Variants in PCDHAC1 observed in about 807,000 individuals in gnomAD.
The protein encoded by PCDHAC1 is protocadherin alpha-C1.
Under a neutral mutation model 60.0 loss-of-function variants are expected in PCDHAC1, and 42 were observed. The observed-to-expected ratio is 0.70, with a 90% CI of 0.55 to 0.90. PCDHAC1 has a LOEUF of 0.90. Among genes scored for constraint, PCDHAC1 ranks in the 40% least tolerant of loss-of-function variants. The pLI, the probability that PCDHAC1 is intolerant of heterozygous loss-of-function variation, is 0.00. For synonymous variants in PCDHAC1, 468 were observed against 499.3 expected (o/e 0.94, Z 0.84); for missense variants, 1,160 against 1,222.3 (o/e 0.95, Z 0.76).
At chr5:140,986,524 G>GAACT (rs1403082336) in intron 3 of PCDHAC1, among the ~76,000 whole-genome samples, 2 of 152,198 alleles carry the variant, frequency 1.3e-5, no homozygotes, top group Non-Finnish European at 2.9e-5. Flanking sequence ...GCCTGTGAGG[G>GAACT]AACTGGCCTG....
chr5:140,927,731 T>G lies in PCDHAC1; in HGVS notation c.839T>G (p.Leu280Arg), dbSNP rs781789205. 19 of 1,614,078 alleles carry G rather than the reference T, an allele frequency of 1.2e-5. No individual in the cohort carries two copies. The highest frequency in any genetic ancestry group is 1.4e-5 in the Non-Finnish European group (17 of 1,180,038). Reference protein sequence around the residue: ...YSLSNSTQAELRHRFHVHPKS... With the variant: ...YSLSNSTQAERRHRFHVHPKS... ...CTAAGCAACAGCACGCAAGCAGAGC[T>G]GCGACACCGCTTTCACGTGCACCCT... The change falls in exon 1 of 4, where the codon CTG becomes CGG. Residue 280 changes from leucine to arginine, a missense_variant. This residue lies in a region of PCDHAC1 where 1,113 missense variants were observed against 1,163.7 expected (regional missense o/e 0.96). Transcript: ENST00000253807.
At chr5:141,000,030 C>T (rs1261016075) in intron 3 of PCDHAC1, among the ~76,000 whole-genome samples, 3 of 152,058 alleles carry the variant, frequency 2.0e-5, no homozygotes, top group African/African-American at 7.2e-5. Flanking sequence ...GCCTGACATC[C>T]AATCACACAC....
chr5:140,966,906 C>A, intron 1 of PCDHAC1: 1 of 1,600,938 alleles, frequency 6.2e-7, no homozygotes, highest in African/African-American at 1.3e-5. Flanking sequence ...CTGCGATACT[C>A]TGTGCCAGAG....
chr5:140,947,948 T>C (rs2094196051), intron 1 of PCDHAC1, among the ~76,000 whole-genome samples: 1 of 151,586 alleles, frequency 6.6e-6, no homozygotes, highest in South Asian at 2.1e-4. Context: ...AAGTGTTCCA[T>C]ATTTTACAAT....
intron 3 of PCDHAC1, among the ~76,000 whole-genome samples, chr5:140,986,867 C>A (rs1238623584): frequency 6.6e-6 from 1 of 152,140 alleles, no homozygotes; most frequent in Non-Finnish European, 1.5e-5. Flanking sequence ...TACCCGGAAA[C>A]TTGTTAGAAA....
At chr5:140,968,396 G>A (rs1181874720) in intron 1 of PCDHAC1, 1 of 1,613,890 alleles carries the variant, frequency 6.2e-7, no homozygotes, top group Non-Finnish European at 8.5e-7. Flanking sequence ...GAAGTTTCGG[G>A]AGTTCTTTGT....
chr5:140,998,446 T>C (rs1266567801), intron 3 of PCDHAC1, among the ~76,000 whole-genome samples: 1 of 152,248 alleles, frequency 6.6e-6, no homozygotes, highest in African/African-American at 2.4e-5. Flanking sequence ...TTATTGTATT[T>C]ATTCATTTAC....
rs2153793513 is a variant in PCDHAC1, at chr5:140,972,346, C to T, written c.2434-6603C>T. Among the ~76,000 whole-genome samples, 6 of 151,468 alleles carry T rather than the reference C, an allele frequency of 4.0e-5. No homozygotes were observed. In the Middle Eastern group the frequency reaches 0.014, roughly 346 times the overall value. The stretch of plus-strand genomic sequence containing the variant: ...TTTTTTTTGGAAGAGATGGGGGTCT[C>T]ACTATGTTGCACATGCTGTTAGTAT... On this transcript the variant is annotated intron_variant, in intron 1 of 3. Transcript: ENST00000253807.
chr5:140,985,801 A>G (rs2097171670), intron 3 of PCDHAC1, among the ~76,000 whole-genome samples: 1 of 135,588 alleles, frequency 7.4e-6, no homozygotes, highest in Admixed American at 8.6e-5. Flanking sequence ...GTGCAGTGGC[A>G]CGATCTCAGC....
intron 1 of PCDHAC1, among the ~76,000 whole-genome samples, chr5:140,959,626 AAG>A (rs529579902): frequency 6.2e-4 from 95 of 152,334 alleles, no homozygotes; most frequent in African/African-American, 2.0e-3. Context: ...GATAGAAAAA[AAG>A]AGAGAAAAAA....
intron 1 of PCDHAC1, chr5:140,968,070 A>T: frequency 6.2e-7 from 1 of 1,614,152 alleles, no homozygotes; most frequent in Non-Finnish European, 8.5e-7. Context: ...GTGGCTGTCT[A>T]CAACATCACG....
At chr5:140,976,992 A>G (rs1421149242) in intron 1 of PCDHAC1, among the ~76,000 whole-genome samples, 3 of 152,200 alleles carry the variant, frequency 2.0e-5, no homozygotes, top group Admixed American at 2.0e-4. Context: ...TTACTGCCAT[A>G]AGAAATCTTG....
chr5:140,992,382 G>A (rs1275662967), intron 3 of PCDHAC1, among the ~76,000 whole-genome samples: 3 of 152,140 alleles, frequency 2.0e-5, no homozygotes, highest in Non-Finnish European at 4.4e-5. Flanking sequence ...ACATTATTGT[G>A]TTCTGGACTT....
intron 1 of PCDHAC1, among the ~76,000 whole-genome samples, chr5:140,974,111 T>C (rs1475006775): frequency 2.0e-5 from 3 of 152,280 alleles, no homozygotes; most frequent in Non-Finnish European, 4.4e-5. Flanking sequence ...AAGTATTCTT[T>C]TGCAGTGTTT....
chr5:140,932,421 G>T (rs530079640), intron 1 of PCDHAC1, among the ~76,000 whole-genome samples: 1 of 151,878 alleles, frequency 6.6e-6, no homozygotes, highest in Non-Finnish European at 1.5e-5. Context: ...TTAGTGTATT[G>T]TTCACCTGGA....
intron 1 of PCDHAC1, among the ~76,000 whole-genome samples, chr5:140,965,466 A>C (rs1364686627): frequency 2.6e-5 from 4 of 152,002 alleles, no homozygotes; most frequent in Non-Finnish European, 4.4e-5. Flanking sequence ...GATAAATCCC[A>C]GACTCCCACA....
rs782339436 is a variant in PCDHAC1, at chr5:140,928,591, G to A, written c.1699G>A (p.Val567Met). The A allele has an allele frequency of 3.1e-6, 5 of 1,614,230 alleles. No individual in the cohort carries two copies. The South Asian group carries it at 5.5e-5, about 18-fold the overall frequency. ...CTTGCCCAGAAATGGTTCTGTCCCA[G>A]TGGAAATTGTGCCCCGCTCTGCCAG... Reference protein sequence around the residue: ...FPLPRNGSVPVEIVPRSARTG... With the variant: ...FPLPRNGSVPMEIVPRSARTG... The change falls in exon 1 of 4, where the codon GTG becomes ATG. Residue 567 changes from valine to methionine, a missense_variant. Val to Met is a conservative substitution (Grantham distance 21, BLOSUM62 1). Coordinates refer to ENST00000253807, the MANE Select transcript of PCDHAC1 (RefSeq NM_018898.5).
chr5:140,928,942 T>C lies in PCDHAC1; in HGVS notation c.2050T>C (p.Leu684=). The stretch of plus-strand genomic sequence containing the variant: ...GCAGCTTTCTGCCCAGAACTTGTAT[T>C]TAGTAATTGCCTTGGCTTGTATTTC... ...GGQLSAQNLY[L]VIALACISFL... is the part of the protein sequence containing the mutation. Residue 684 remains leucine, a synonymous_variant, in exon 1 of 4, where the codon TTA becomes CTA. Transcript: ENST00000253807. 4 of 1,614,060 alleles carry C rather than the reference T, an allele frequency of 2.5e-6. No individual in the cohort carries two copies. The South Asian group carries it at 4.4e-5, about 18-fold the overall frequency.
At position 140,928,605 on chromosome 5, in the gene PCDHAC1, C is replaced by T; in HGVS notation, c.1713C>T (p.Pro571=). ...RNGSVPVEIV[P]RSARTGHLVT... ...GTTCTGTCCCAGTGGAAATTGTGCC[C>T]CGCTCTGCCAGGACTGGACACTTGG... The change falls in exon 1 of 4, where the codon CCC becomes CCT. Residue 571 remains proline, a synonymous_variant. Transcript: ENST00000253807. 1 of 1,614,208 alleles carries T rather than the reference C, an allele frequency of 6.2e-7. No individual in the cohort carries two copies. Among genetic ancestry groups the T allele is most frequent in the South Asian group, 1.1e-5 (1 of 91,090 alleles).
Sources: gnomAD v4.1 joint callset for allele counts (sites outside exome capture counted in the v4.1 genomes callset) on GRCh38, gnomAD v4.1.1 for gene constraint, gnomAD v4.1.1 regional missense constraint, MANE v1.5 for transcripts, NCBI Gene and HGNC (gene_info 2026-07-23, HGNC 2026-07-21) for gene names.